PPP1R21: variants seen among roughly 807,000 people sequenced by gnomAD.
PPP1R21 encodes the protein KLRAQ motif containing 1.
A neutral mutation model predicts 112.8 loss-of-function variants in PPP1R21; 85 were observed. The observed-to-expected ratio is 0.75, with a 90% CI of 0.63 to 0.90. The LOEUF is 0.90. Ranked by LOEUF, PPP1R21 falls within the 40% of genes least tolerant of loss-of-function variation. The pLI, the probability that PPP1R21 is intolerant of heterozygous loss-of-function variation, is 0.00. For missense variants in PPP1R21, 1,199 were observed against 901.5 expected (o/e 1.33, Z -4.23); for synonymous variants, 381 against 322.3 (o/e 1.18, Z -1.95).
At chr2:48,499,133 G>T (rs184411883) in intron 17 of PPP1R21, among the ~76,000 whole-genome samples, 4 of 128,208 alleles carry the variant, frequency 3.1e-5, no homozygotes, top group African/African-American at 7.8e-5. Flanking sequence ...TATTGGGGGT[G>T]GGGGGGGACA....
At chr2:48,469,862 G>A (rs892079612) in intron 9 of PPP1R21, among the ~76,000 whole-genome samples, 2 of 151,982 alleles carry the variant, frequency 1.3e-5, no homozygotes, top group Admixed American at 6.6e-5. Flanking sequence ...TGACTGGAGT[G>A]TTTAAACTTG....
rs1670738972 is a variant in PPP1R21 at position 48,513,685 on chromosome 2, T to C, written c.2314-1030T>C. Among the ~76,000 whole-genome samples the C allele has an allele frequency of 2.0e-5, 3 of 152,226 alleles. No homozygotes were observed. The South Asian group carries it at 6.2e-4, about 31-fold the overall frequency. ...CTATAGCATCATCTTATGGCTGACA[T>C]TGTCTGCATTGGATACAAAGTAAAC... On this transcript the variant is annotated intron_variant, in intron 21 of 21. Coordinates refer to ENST00000294952, the MANE Select transcript of PPP1R21 (RefSeq NM_001135629.3).
intron 17 of PPP1R21, among the ~76,000 whole-genome samples, chr2:48,501,314 T>G (rs1248356575): frequency 6.6e-6 from 1 of 152,214 alleles, no homozygotes; most frequent in East Asian, 1.9e-4. Flanking sequence ...CCCAGCTCCA[T>G]TGCCTGTATC....
At chr2:48,487,834 G>A (rs1185829879) in intron 14 of PPP1R21, among the ~76,000 whole-genome samples, 1 of 151,736 alleles carries the variant, frequency 6.6e-6, no homozygotes, top group Non-Finnish European at 1.5e-5. Flanking sequence ...CTCAGAGTGT[G>A]CGTTCATGTG....
At chr2:48,445,184 A>C (rs1477133856) in intron 1 of PPP1R21, among the ~76,000 whole-genome samples, 1 of 131,642 alleles carries the variant, frequency 7.6e-6, no homozygotes, top group Non-Finnish European at 1.5e-5. Flanking sequence ...AGGATTCACT[A>C]GTAAAGTTGG....
chr2:48,480,017 G>A lies in PPP1R21; in HGVS notation c.1318+1G>A. On this transcript the variant is annotated splice_donor_variant, in intron 13 of 21. Coordinates refer to ENST00000294952, the MANE Select transcript of PPP1R21 (RefSeq NM_001135629.3). LOFTEE classifies it high-confidence loss of function. ...CATGGATTTCATGACGTTATGAAAG[G>A]TAGGCCTTGAAAAAGAACGTAAGCT... is the stretch of plus-strand genomic sequence containing the variant. 1 of 1,595,628 alleles carries A rather than the reference G, an allele frequency of 6.3e-7. No individual in the cohort carries two copies. The highest frequency in any genetic ancestry group is 1.3e-5 in the African/African-American group (1 of 74,656).
chr2:48,473,643 T>A (rs536291485), intron 11 of PPP1R21, among the ~76,000 whole-genome samples: 1 of 152,298 alleles, frequency 6.6e-6, no homozygotes, highest in Non-Finnish European at 1.5e-5. Context: ...GGGCTTAGAA[T>A]GGAATGAAGC....
intron 20 of PPP1R21, among the ~76,000 whole-genome samples, chr2:48,510,466 G>T (rs545209056): frequency 6.6e-6 from 1 of 152,128 alleles, no homozygotes; most frequent in Non-Finnish European, 1.5e-5. Context: ...TGCATAAAAC[G>T]GATCTAAACT....
chr2:48,482,229 TAA>T (rs1210542759), intron 13 of PPP1R21, among the ~76,000 whole-genome samples: 3 of 152,218 alleles, frequency 2.0e-5, no homozygotes, highest in Non-Finnish European at 4.4e-5. Context: ...TTTTGTTTTG[TAA>T]AAGAGGAGTA....
intron 3 of PPP1R21, 61 bp downstream of exon 3, chr2:48,454,802 C>T: frequency 4.5e-6 from 6 of 1,331,724 alleles, no homozygotes; most frequent in Non-Finnish European, 4.3e-6. Flanking sequence ...ACCTACAGGG[C>T]ATCCTGGTTT....
intron 2 of PPP1R21, among the ~76,000 whole-genome samples, chr2:48,454,362 G>A (rs1176474792): frequency 1.3e-5 from 2 of 152,120 alleles, no homozygotes; most frequent in African/African-American, 2.4e-5. Flanking sequence ...AGTTGATCAC[G>A]ATCTGTTACT....
At chr2:48,475,182 A>G (rs1668695724) in intron 12 of PPP1R21, among the ~76,000 whole-genome samples, 1 of 151,708 alleles carries the variant, frequency 6.6e-6, no homozygotes, top group South Asian at 2.1e-4. Flanking sequence ...GGGAGACCCC[A>G]TCTCTACAAA....
chr2:48,507,749 CTTTTTTTTTTTTTTTTTTTTT>C (rs34546075), intron 19 of PPP1R21, among the ~76,000 whole-genome samples: 136 of 42,434 alleles, frequency 3.2e-3, no homozygotes, highest in African/African-American at 0.012. Flanking sequence ...GAGGCTCTGC[CTTTTTTTTTTTTTTTTTTTTT>C]TTTTTTTTTT....
chr2:48,514,139 C>G, intron 21 of PPP1R21, among the ~76,000 whole-genome samples: 1 of 142,090 alleles, frequency 7.0e-6, no homozygotes, highest in East Asian at 2.3e-4. Context: ...TCATGCCATT[C>G]TCCCGGCGCC....
chr2:48,474,544 G>T, intron 11 of PPP1R21, 139 bp from the exon 12 acceptor site: 1 of 678,710 alleles, frequency 1.5e-6, no homozygotes. Context: ...TAAAAAAATG[G>T]AGCCATGCAA....
chr2:48,501,961 G>A (rs1446229954), intron 17 of PPP1R21: 1 of 152,120 alleles, frequency 6.6e-6, no homozygotes, highest in East Asian at 1.9e-4. Context: ...GGTCATTTTT[G>A]AGCAGGGACC....
chr2:48,505,499 G>C, intron 17 of PPP1R21, 65 bp from the exon 18 acceptor site: 1 of 1,195,120 alleles, frequency 8.4e-7, no homozygotes, highest in South Asian at 1.3e-5. Flanking sequence ...TATTAAAAGC[G>C]TTTGATCTAT....
chr2:48,443,280 G>A (rs897165359), intron 1 of PPP1R21, among the ~76,000 whole-genome samples: 4 of 152,144 alleles, frequency 2.6e-5, no homozygotes, highest in Middle Eastern at 6.3e-3. Flanking sequence ...GAGGGCCAGC[G>A]GGAAGAAGAG....
chr2:48,440,906 C>T lies in PPP1R21; in HGVS notation c.-48C>T. ...CGTGTCTGGGTTTGGGGGCGGGAGA[C>T]AGGCTGAGCCGCCTGGGCGGCCTGG... On this transcript the variant is annotated 5_prime_UTR_variant, in exon 1 of 22. Transcript: ENST00000294952. 1 of 1,401,644 alleles carries T rather than the reference C, an allele frequency of 7.1e-7. No individual in the cohort carries two copies. The highest frequency in any genetic ancestry group is 1.4e-5 in the African/African-American group (1 of 69,198). 86.8% of individuals were successfully genotyped at this position (1,401,644 alleles called of 1,614,324 possible).
Sources: gnomAD v4.1 joint callset for allele counts (sites outside exome capture counted in the v4.1 genomes callset) on GRCh38, gnomAD v4.1.1 for gene constraint, MANE v1.5 for transcripts, NCBI Gene and HGNC (gene_info 2026-07-23, HGNC 2026-07-21) for gene names.